The following MCMDC2 variants were observed in gnomAD, a reference collection of about 807,000 sequenced individuals.
MCMDC2 encodes the protein minichromosome maintenance domain containing 2.
Under a neutral mutation model 75.8 loss-of-function variants are expected in MCMDC2, and 54 were observed. That is an observed-to-expected ratio of 0.71 (90% confidence interval 0.57 to 0.89). The LOEUF (loss-of-function observed/expected upper bound fraction) is 0.89, where lower values mean the gene tolerates loss of function less well. Ranked by LOEUF, MCMDC2 falls within the 40% of genes least tolerant of loss-of-function variation. The probability of loss-of-function intolerance (pLI) is 0.00; values close to 1 mark genes in which losing one functional copy is unlikely to be tolerated. For missense variants in MCMDC2, 656 were observed against 780.4 expected (o/e 0.84, Z 1.90); for synonymous variants, 249 against 274.6 (o/e 0.91, Z 0.92).
At position 66,874,548 on chromosome 8, in the gene MCMDC2, A is replaced by G; in HGVS notation, c.247A>G (p.Thr83Ala). ...FQSVCFIAVK[T>A]LSLIGQLQTE... ...ACAGGTCTGTTTTATTGCTGTTAAG[A>G]CTCTCTCATTAATTGGACAATTGCA... is the stretch of plus-strand genomic sequence containing the variant. The change falls in exon 4 of 15, where the codon ACT becomes GCT. Residue 83 changes from threonine to alanine, a missense_variant. By Grantham distance (58) the Thr-to-Ala change is moderately conservative (BLOSUM62 0). Coordinates refer to ENST00000422365, the MANE Select transcript of MCMDC2 (RefSeq NM_173518.5). The G allele has an allele frequency of 6.2e-7, 1 of 1,613,228 alleles. No individual in the cohort carries two copies. Among genetic ancestry groups the G allele is most frequent in the Non-Finnish European group, 8.5e-7 (1 of 1,179,750 alleles).
chr8:66,880,596 G>A (rs965474344), intron 7 of MCMDC2, among the ~76,000 whole-genome samples: 4 of 152,104 alleles, frequency 2.6e-5, no homozygotes, highest in Non-Finnish European at 5.9e-5. Flanking sequence ...TTATAGAAGA[G>A]TGTCTAGTTG....
intron 14 of MCMDC2, among the ~76,000 whole-genome samples, chr8:66,914,283 C>CAAAAAAAA (rs67943900): frequency 1.0e-4 from 9 of 85,734 alleles, no homozygotes; most frequent in Admixed American, 1.4e-4. Context: ...ACCCTGTATC[C>CAAAAAAAA]AAAAAAAAAA....
intron 10 of MCMDC2, 128 bp from the exon 11 acceptor site, chr8:66,896,042 T>C (rs1812336339): frequency 1.3e-6 from 1 of 776,042 alleles, no homozygotes; most frequent in Non-Finnish European, 2.0e-6. Context: ...TGCAAAACAG[T>C]CAAATTTACT....
At chr8:66,881,793 A>C (rs970337673) in intron 8 of MCMDC2, among the ~76,000 whole-genome samples, 18 of 152,252 alleles carry the variant, frequency 1.2e-4, no homozygotes, top group Admixed American at 7.9e-4. Flanking sequence ...TATTACTGAT[A>C]ATTTCCTTTA....
chr8:66,923,295 T>C (rs1813619060), downstream of MCMDC2, among the ~76,000 whole-genome samples: 1 of 152,134 alleles, frequency 6.6e-6, no homozygotes, highest in Admixed American at 6.5e-5. Flanking sequence ...AGTCCCAAGT[T>C]AACTAAAAAC....
At chr8:66,896,076 A>C (rs1812337307) in intron 10 of MCMDC2, 94 bp from the exon 11 acceptor site, 1 of 1,118,648 alleles carries the variant, frequency 8.9e-7, no homozygotes, top group Non-Finnish European at 1.3e-6. Flanking sequence ...CAAAGTCTAC[A>C]CAGTATAATT....
chr8:66,883,566 G>C (rs900578319), intron 8 of MCMDC2, among the ~76,000 whole-genome samples, 191 bp from the exon 9 acceptor site: 2 of 151,990 alleles, frequency 1.3e-5, no homozygotes, highest in African/African-American at 4.8e-5. Flanking sequence ...GGTCAAGGCA[G>C]GGGAATCAAT....
At chr8:66,896,645 C>T in intron 11 of MCMDC2, 135 bp from the exon 12 acceptor site, 4 of 679,096 alleles carry the variant, frequency 5.9e-6, no homozygotes, top group Non-Finnish European at 8.2e-6. Flanking sequence ...AAAAAATTAC[C>T]TTAAATTATA....
At chr8:66,916,736 GCAAGTGAA>G (rs536536772) in intron 14 of MCMDC2, among the ~76,000 whole-genome samples, 248 of 152,278 alleles carry the variant, frequency 1.6e-3, no homozygotes, top group Non-Finnish European at 2.4e-3. Flanking sequence ...AAACATTTGA[GCAAGTGAA>G]CTGGAAGCAT....
intron 14 of MCMDC2, among the ~76,000 whole-genome samples, chr8:66,906,734 CTTTT>C (rs1315269943): frequency 6.6e-6 from 1 of 151,310 alleles, no homozygotes; most frequent in African/African-American, 2.4e-5. Flanking sequence ...TTTGCTTTAT[CTTTT>C]TTTAATTAGC....
At position 66,919,188 on chromosome 8, in the gene MCMDC2, G is replaced by C. The variant is rs1013106687; in HGVS notation, c.*19G>C. On this transcript the variant is annotated 3_prime_UTR_variant, in exon 15 of 15. Transcript: ENST00000422365. ...TGAATAAGCAATTTGAGGAATTTTT[G>C]TTCATTCCTACTTAAGCAGTGGAGA... The C allele has an allele frequency of 2.0e-6, 3 of 1,531,492 alleles. No individual in the cohort carries two copies. Among genetic ancestry groups the C allele is most frequent in the Non-Finnish European group, 1.8e-6 (2 of 1,139,170 alleles). The allele number at this position is 1,531,492 out of a possible 1,614,324, so 94.9% of individuals were successfully genotyped here.
intron 10 of MCMDC2, among the ~76,000 whole-genome samples, chr8:66,891,888 G>A (rs1051386457): frequency 1.3e-5 from 2 of 152,174 alleles, no homozygotes; most frequent in African/African-American, 4.8e-5. Context: ...GGCTGTAGCT[G>A]GAACAGGCAT....
At chr8:66,899,678 A>G (rs370002139) in intron 12 of MCMDC2, among the ~76,000 whole-genome samples, 5 of 151,558 alleles carry the variant, frequency 3.3e-5, no homozygotes, top group East Asian at 4.0e-4. Flanking sequence ...TTGTATTTTT[A>G]GTAGAGACAG....
chr8:66,883,672 C>A, intron 8 of MCMDC2, 85 bp from the exon 9 acceptor site: 4 of 709,272 alleles, frequency 5.6e-6, no homozygotes, highest in African/African-American at 1.8e-5. Flanking sequence ...AATTTGATAA[C>A]ATTTTAGATA....
chr8:66,915,803 A>G (rs1412909793), intron 14 of MCMDC2, among the ~76,000 whole-genome samples: 1 of 152,172 alleles, frequency 6.6e-6, no homozygotes, highest in East Asian at 1.9e-4. Flanking sequence ...GCCCTTGAAG[A>G]TTCCAATATT....
intron 1 of MCMDC2, among the ~76,000 whole-genome samples, chr8:66,872,646 A>T (rs1421283152): frequency 1.3e-5 from 2 of 152,042 alleles, no homozygotes; most frequent in Admixed American, 6.6e-5. Context: ...TCCAACCTAT[A>T]GTAGGTGCCA....
chr8:66,889,853 A>G (rs1305083785), intron 9 of MCMDC2, among the ~76,000 whole-genome samples: 1 of 152,144 alleles, frequency 6.6e-6, no homozygotes, highest in Non-Finnish European at 1.5e-5. Flanking sequence ...AAACAGAACA[A>G]AAGAAAACAA....
At chr8:66,924,993 C>T (rs1371339874), downstream of MCMDC2, among the ~76,000 whole-genome samples, 1 of 152,178 alleles carries the variant, frequency 6.6e-6, no homozygotes, top group Non-Finnish European at 1.5e-5. Context: ...AATCACCTTC[C>T]TATTTATAAA....
At chr8:66,922,099 A>G (rs952651111), downstream of MCMDC2, 4 of 152,668 alleles carry the variant, frequency 2.6e-5, no homozygotes, top group African/African-American at 9.7e-5. Context: ...TCCTTCCAAA[A>G]TGCTGCATGC....
Sources: gnomAD v4.1 joint callset for allele counts (sites outside exome capture counted in the v4.1 genomes callset) on GRCh38, gnomAD v4.1.1 for gene constraint, MANE v1.5 for transcripts, NCBI Gene and HGNC (gene_info 2026-07-23, HGNC 2026-07-21) for gene names.